The following CNBD1 variants were observed in gnomAD, a reference collection of about 807,000 sequenced individuals.
The protein encoded by CNBD1 is cyclic nucleotide binding domain containing 1, also known as cyclic nucleotide-binding domain-containing protein 1.
A neutral mutation model predicts 54.4 loss-of-function variants in CNBD1; 71 were observed. That is an observed-to-expected ratio of 1.30 (90% CI 1.08 to 1.59). The LOEUF (loss-of-function observed/expected upper bound fraction) is 1.59, where lower values mean the gene tolerates loss of function less well. Among genes scored for constraint, CNBD1 ranks in the 40% most tolerant of loss-of-function variants. The probability of loss-of-function intolerance (pLI) is 0.00; values close to 1 mark genes in which losing one functional copy is unlikely to be tolerated. For synonymous variants in CNBD1, 182 were observed against 170.7 expected (o/e 1.07, Z -0.51); for missense variants, 659 against 518.0 (o/e 1.27, Z -2.64).
chr8:87,411,423 T>TATATATATATATATATATATATATATAC (rs1807741356), intron 2 of CNBD1, among the ~76,000 whole-genome samples: 1 of 143,020 alleles, frequency 7.0e-6, no homozygotes, highest in Non-Finnish European at 1.5e-5. Flanking sequence ...TATATATATA[T>TATATATATATATATATATATATATATAC]ATATTTCATT....
At chr8:87,266,810 C>T (rs1207520478) in intron 6 of CNBD1, among the ~76,000 whole-genome samples, 1 of 151,972 alleles carries the variant, frequency 6.6e-6, no homozygotes, top group African/African-American at 2.4e-5. Context: ...TGGGTTCATT[C>T]ATTTGGGTAA....
chr8:87,044,143 G>A (rs1810131468), intron 4 of CNBD1, among the ~76,000 whole-genome samples: 1 of 151,530 alleles, frequency 6.6e-6, no homozygotes, highest in African/African-American at 2.4e-5. Flanking sequence ...TTCTACAGAA[G>A]CATATTTACA....
chr8:87,141,726 A>G (rs1812374075), intron 4 of CNBD1, among the ~76,000 whole-genome samples: 1 of 152,120 alleles, frequency 6.6e-6, no homozygotes, highest in Non-Finnish European at 1.5e-5. Context: ...AACATGACAT[A>G]TAAAATGGAC....
intron 3 of CNBD1, among the ~76,000 whole-genome samples, chr8:86,909,448 A>C (rs7017482): frequency 0.47 from 72,084 of 152,092 alleles, 17,882 homozygotes; most frequent in South Asian, 0.6. Flanking sequence ...GTTAAAGGGA[A>C]TTTGGTAAAT....
chr8:87,422,699 A>G (rs886826875), intron 2 of CNBD1, among the ~76,000 whole-genome samples: 1 of 152,086 alleles, frequency 6.6e-6, no homozygotes, highest in Admixed American at 6.6e-5. Flanking sequence ...GTTTGAAGTC[A>G]GGTAGTGTGA....
At chr8:86,929,151 T>C (rs796067055) in intron 3 of CNBD1, among the ~76,000 whole-genome samples, 51 of 152,330 alleles carry the variant, frequency 3.3e-4, no homozygotes, top group African/African-American at 1.1e-3. Flanking sequence ...ACCATTTTGA[T>C]GGCTTTGGCA....
downstream of CNBD1, among the ~76,000 whole-genome samples, chr8:87,387,238 C>A (rs1811208026): frequency 6.6e-6 from 1 of 152,126 alleles, no homozygotes; most frequent in Non-Finnish European, 1.5e-5. Flanking sequence ...ATGACAGGAT[C>A]AAGTTCACAC....
At chr8:87,346,073 C>G (rs1369182313) in intron 8 of CNBD1, among the ~76,000 whole-genome samples, 1 of 151,588 alleles carries the variant, frequency 6.6e-6, no homozygotes, top group Non-Finnish European at 1.5e-5. Context: ...CAGAGTTTCA[C>G]TCTTGTTGCC....
At chr8:87,099,028 G>C (rs1811373237) in intron 4 of CNBD1, among the ~76,000 whole-genome samples, 1 of 99,838 alleles carries the variant, frequency 1.0e-5, no homozygotes. Context: ...GAGCAAGACT[G>C]TGTCTCAAAA....
At chr8:87,104,046 C>T (rs1211094941) in intron 4 of CNBD1, among the ~76,000 whole-genome samples, 1 of 152,100 alleles carries the variant, frequency 6.6e-6, no homozygotes, top group Non-Finnish European at 1.5e-5. Flanking sequence ...CCATGATGGT[C>T]ATGGTCAGCC....
chr8:87,106,420 A>G (rs986047953), intron 4 of CNBD1, among the ~76,000 whole-genome samples: 1 of 152,158 alleles, frequency 6.6e-6, no homozygotes, highest in Non-Finnish European at 1.5e-5. Flanking sequence ...CAAGCAGGAC[A>G]GGCTGGTCTA....
rs1738104479 is a variant in CNBD1, at chr8:87,410,775, A to G, written c.214-17771A>G. Among the ~76,000 whole-genome samples, 3 of 152,088 alleles carry G rather than the reference A, an allele frequency of 2.0e-5. No individual in the cohort carries two copies. The South Asian group carries it at 6.2e-4, about 31-fold the overall frequency. On this transcript the variant is annotated intron_variant, in intron 2 of 7. Transcript: ENST00000521593. The stretch of plus-strand genomic sequence containing the variant: ...AAGAGTCAGCTGATGAGCAAATTTC[A>G]TTGTTGCATTGTTGTCGTATTTTGA...
At chr8:87,408,795 G>C (rs1807693244) in intron 2 of CNBD1, among the ~76,000 whole-genome samples, 1 of 152,028 alleles carries the variant, frequency 6.6e-6, no homozygotes, top group South Asian at 2.1e-4. Flanking sequence ...ATCTTTTATC[G>C]TGATCTGGGA....
chr8:87,358,956 T>C (rs1810477126), intron 10 of CNBD1, among the ~76,000 whole-genome samples: 1 of 152,162 alleles, frequency 6.6e-6, no homozygotes, highest in Non-Finnish European at 1.5e-5. Flanking sequence ...TGTTATCTGT[T>C]TGCATTGGTG....
chr8:87,112,581 T>C (rs993820194), intron 4 of CNBD1, among the ~76,000 whole-genome samples: 3 of 152,202 alleles, frequency 2.0e-5, no homozygotes, highest in African/African-American at 7.2e-5. Flanking sequence ...CTCTCAGGAA[T>C]AGTCACTCAA....
intron 10 of CNBD1, among the ~76,000 whole-genome samples, chr8:87,357,316 A>T (rs563300505): frequency 1.3e-4 from 20 of 152,198 alleles, no homozygotes; most frequent in Non-Finnish European, 2.5e-4. Context: ...GGCAGCTTGC[A>T]CTCTGAGCCT....
chr8:87,412,391 T>A (rs548620660), intron 2 of CNBD1, among the ~76,000 whole-genome samples: 1 of 152,108 alleles, frequency 6.6e-6, no homozygotes, highest in Non-Finnish European at 1.5e-5. Flanking sequence ...TTACTCGATA[T>A]GACCAGGATT....
At chr8:87,248,017 G>A (rs910144606) in intron 6 of CNBD1, among the ~76,000 whole-genome samples, 3 of 152,166 alleles carry the variant, frequency 2.0e-5, no homozygotes, top group African/African-American at 7.2e-5. Context: ...TACACAAAAT[G>A]ACCAATTTTC....
chr8:87,022,048 G>T (rs1245123380), intron 4 of CNBD1, among the ~76,000 whole-genome samples: 2 of 152,212 alleles, frequency 1.3e-5, no homozygotes, highest in Non-Finnish European at 2.9e-5. Flanking sequence ...TGAACTTACA[G>T]ATTAAGCATA....
Sources: gnomAD v4.1 joint callset for allele counts (sites outside exome capture counted in the v4.1 genomes callset) on GRCh38, gnomAD v4.1.1 for gene constraint, MANE v1.5 for transcripts, NCBI Gene and HGNC (gene_info 2026-07-23, HGNC 2026-07-21) for gene names.